The following RBFOX1 variants were observed in gnomAD, a reference collection of about 807,000 sequenced individuals.
RBFOX1 encodes RNA binding fox-1 homolog 1.
Under a neutral mutation model 57.7 loss-of-function variants are expected in RBFOX1, and 8 were observed. The observed-to-expected ratio is 0.14, with a 90% CI of 0.08 to 0.25. The LOEUF (loss-of-function observed/expected upper bound fraction) is 0.25, where lower values mean the gene tolerates loss of function less well. Ranked by LOEUF, RBFOX1 falls within the 10% of genes least tolerant of loss-of-function variation. The pLI is 1.00. For missense variants in RBFOX1, 611 were observed against 548.5 expected (o/e 1.11, Z -1.14); for synonymous variants, 326 against 222.4 (o/e 1.47, Z -4.15).
intron 3 of RBFOX1, among the ~76,000 whole-genome samples, chr16:6,858,345 C>T (rs916609366): frequency 2.0e-5 from 3 of 152,160 alleles, no homozygotes; most frequent in African/African-American, 4.8e-5. Flanking sequence ...ATCTAAAATA[C>T]AGGAAAAAGC....
At chr16:5,970,641 CAG>C (rs2152298608) in intron 4 of RBFOX1, among the ~76,000 whole-genome samples, 1 of 152,284 alleles carries the variant, frequency 6.6e-6, no homozygotes, top group South Asian at 2.1e-4. Context: ...TAGCACCTGC[CAG>C]ACTGTCATGA....
intron 3 of RBFOX1, among the ~76,000 whole-genome samples, chr16:5,851,478 G>T (rs2056895995): frequency 6.6e-6 from 1 of 152,176 alleles, no homozygotes; most frequent in African/African-American, 2.4e-5. Context: ...GACGGCCTAA[G>T]ATTTACCAGC....
intron 14 of RBFOX1, among the ~76,000 whole-genome samples, chr16:7,702,274 A>C (rs186871231): frequency 7.9e-4 from 121 of 152,296 alleles, no homozygotes; most frequent in African/African-American, 2.8e-3. Flanking sequence ...AATTTTTGAA[A>C]GATCTTCTGT....
chr16:6,852,419 TA>T (rs2094121002), intron 3 of RBFOX1, among the ~76,000 whole-genome samples: 1 of 152,220 alleles, frequency 6.6e-6, no homozygotes, highest in Non-Finnish European at 1.5e-5. Flanking sequence ...TTACAAAGTT[TA>T]TAAGTTTCAG....
chr16:5,777,599 T>A (rs2054188886), intron 3 of RBFOX1, among the ~76,000 whole-genome samples: 2 of 152,208 alleles, frequency 1.3e-5, no homozygotes, highest in African/African-American at 2.4e-5. Context: ...AGCAGGTCAC[T>A]CAACCTTCCT....
intron 1 of RBFOX1, among the ~76,000 whole-genome samples, chr16:5,455,195 T>A (rs553810129): frequency 6.6e-6 from 1 of 151,970 alleles, no homozygotes; most frequent in African/African-American, 2.4e-5. Context: ...TGAAATGACT[T>A]GAAGACTAGG....
chr16:5,999,236 T>C (rs1403100984), intron 4 of RBFOX1, among the ~76,000 whole-genome samples: 1 of 152,182 alleles, frequency 6.6e-6, no homozygotes, highest in African/African-American at 2.4e-5. Context: ...TCCCACCTTA[T>C]CTCTACCACA....
chr16:7,669,267 A>C (rs919057143), intron 13 of RBFOX1, among the ~76,000 whole-genome samples: 4 of 150,220 alleles, frequency 2.7e-5, no homozygotes, highest in Non-Finnish European at 5.9e-5. Flanking sequence ...GCATTGCTTA[A>C]CTGAACCAAG....
intron 4 of RBFOX1, among the ~76,000 whole-genome samples, chr16:7,065,357 C>T (rs1170004378): frequency 5.9e-5 from 9 of 152,096 alleles, no homozygotes; most frequent in Non-Finnish European, 1.3e-4. Flanking sequence ...TGCCACCTTT[C>T]CCCTGATACA....
At chr16:6,665,088 A>G (rs772520257) in intron 3 of RBFOX1, among the ~76,000 whole-genome samples, 8 of 152,260 alleles carry the variant, frequency 5.3e-5, no homozygotes, top group Non-Finnish European at 1.2e-4. Context: ...TCTTCAGCAT[A>G]GCTGGATGCT....
intron 4 of RBFOX1, among the ~76,000 whole-genome samples, chr16:7,345,090 C>T (rs148652578): frequency 2.0e-5 from 3 of 152,206 alleles, no homozygotes; most frequent in Non-Finnish European, 4.4e-5. Flanking sequence ...ATTTTCAAGA[C>T]CTTTATTTTT....
At chr16:6,923,925 C>T (rs1253494674) in intron 3 of RBFOX1, among the ~76,000 whole-genome samples, 1 of 152,040 alleles carries the variant, frequency 6.6e-6, no homozygotes, top group Non-Finnish European at 1.5e-5. Flanking sequence ...AATCCCAGCA[C>T]TTTGGAGGCT....
At position 7,710,869 on chromosome 16, in the gene RBFOX1, A is replaced by C; in HGVS notation, c.*124A>C. 8 of 1,001,750 alleles carry C rather than the reference A, an allele frequency of 8.0e-6. No individual in the cohort carries two copies. Among genetic ancestry groups the C allele is most frequent in the South Asian group, 3.7e-5 (1 of 26,862 alleles). 62.1% of individuals were successfully genotyped at this position (1,001,750 alleles called of 1,614,324 possible). A position where few individuals can be genotyped will look rare whatever the true frequency, so the allele number is the denominator to read the frequency against. ...TAAAAAAAAAAAAAATACAAATAAAAAGGAAAAAAAATTACATTTTTTATC... is the reference window on the plus strand; with the variant it reads ...TAAAAAAAAAAAAAATACAAATAAACAGGAAAAAAAATTACATTTTTTATC... On this transcript the variant is annotated 3_prime_UTR_variant, in exon 16 of 16. Transcript: ENST00000550418.
intron 1 of RBFOX1, among the ~76,000 whole-genome samples, chr16:5,331,934 C>T (rs2064768363): frequency 6.6e-6 from 1 of 152,218 alleles, no homozygotes; most frequent in African/African-American, 2.4e-5. Context: ...GTGAGACCTG[C>T]TTCTTATCCC....
chr16:5,389,773 C>G (rs1294270349), intron 1 of RBFOX1, among the ~76,000 whole-genome samples: 1 of 152,010 alleles, frequency 6.6e-6, no homozygotes. Context: ...TCTCAGCTCA[C>G]TGCGACTTCC....
intron 14 of RBFOX1, among the ~76,000 whole-genome samples, chr16:7,682,349 A>G (rs2074979427): frequency 6.6e-6 from 1 of 152,050 alleles, no homozygotes; most frequent in Admixed American, 6.6e-5. Context: ...GGAACTGAGG[A>G]TGGAGTTCTT....
At chr16:6,717,084 C>A (rs1006043033) in intron 3 of RBFOX1, among the ~76,000 whole-genome samples, 1 of 152,172 alleles carries the variant, frequency 6.6e-6, no homozygotes, top group African/African-American at 2.4e-5. Flanking sequence ...TCCCTTCCCA[C>A]ACACCAATCT....
chr16:5,551,271 A>G (rs1438708208), intron 2 of RBFOX1, among the ~76,000 whole-genome samples: 1 of 152,144 alleles, frequency 6.6e-6, no homozygotes, highest in Non-Finnish European at 1.5e-5. Flanking sequence ...TATTTGTACT[A>G]TAGTTACTTA....
chr16:7,579,191 T>G (rs1045706326), intron 5 of RBFOX1, among the ~76,000 whole-genome samples: 2 of 152,202 alleles, frequency 1.3e-5, no homozygotes. Context: ...TTTGTACAAT[T>G]AGAACCTCAA....
Sources: allele counts gnomAD v4.1 joint callset (sites outside exome capture counted in the v4.1 genomes callset), GRCh38; gene constraint gnomAD v4.1.1; transcripts MANE v1.5; gene names NCBI Gene and HGNC (gene_info 2026-07-23, HGNC 2026-07-21).